AOPEP: variants seen among roughly 807,000 people sequenced by gnomAD.
AOPEP encodes the protein aminopeptidase O (putative), also known as aminopeptidase O.
In AOPEP, 77 loss-of-function variants were observed where a neutral mutation model predicts 98.1. The observed-to-expected ratio is 0.78, with a 90% CI of 0.65 to 0.95. The LOEUF (loss-of-function observed/expected upper bound fraction) is 0.95. AOPEP is among the 40% of genes least tolerant of loss of function. AOPEP has a pLI of 0.00. For missense variants in AOPEP, 1,024 were observed against 1,024.7 expected, an observed-to-expected ratio of 1.00 and a Z score of 0.01; for synonymous variants, 346 against 365.3, an observed-to-expected ratio of 0.95 and a Z score of 0.60.
chr9:95,023,058 G>A (rs767053252), intron 13 of AOPEP, among the ~76,000 whole-genome samples: 1 of 152,100 alleles, frequency 6.6e-6, no homozygotes, highest in African/African-American at 2.4e-5. Flanking sequence ...GGACCGACTC[G>A]CTTCTCTAAG....
At chr9:94,810,265 A>G (rs1354462510) in intron 5 of AOPEP, among the ~76,000 whole-genome samples, 1 of 151,728 alleles carries the variant, frequency 6.6e-6, no homozygotes, top group African/African-American at 2.4e-5. Flanking sequence ...GTGATTTAGA[A>G]TAACCCGCAG....
intron 7 of AOPEP, among the ~76,000 whole-genome samples, chr9:94,935,640 C>T (rs556048890): frequency 4.6e-5 from 7 of 152,286 alleles, no homozygotes; most frequent in South Asian, 4.1e-4. Context: ...AAGACAGGCT[C>T]AGGCAACCCC....
At chr9:95,065,736 A>G (rs1226103269) in intron 14 of AOPEP, among the ~76,000 whole-genome samples, 1 of 152,238 alleles carries the variant, frequency 6.6e-6, no homozygotes, top group Non-Finnish European at 1.5e-5. Context: ...CAAAAGGGCA[A>G]GTTGACACTT....
At chr9:94,847,728 G>A (rs550797590) in intron 5 of AOPEP, among the ~76,000 whole-genome samples, 1 of 152,202 alleles carries the variant, frequency 6.6e-6, no homozygotes, top group East Asian at 1.9e-4. Context: ...GAGGTATTTT[G>A]GAACCACAAC....
intron 7 of AOPEP, among the ~76,000 whole-genome samples, chr9:94,931,543 G>A (rs2055306613): frequency 6.6e-6 from 1 of 152,116 alleles, no homozygotes; most frequent in African/African-American, 2.4e-5. Flanking sequence ...GAAAGTAAAA[G>A]GAAGAACCAG....
intron 16 of AOPEP, chr9:95,085,197 G>T (rs776040036): frequency 1.0e-5 from 5 of 486,086 alleles, no homozygotes; most frequent in South Asian, 6.0e-5. Context: ...ACAGCACGGG[G>T]TGGCGCTGCT....
intron 13 of AOPEP, among the ~76,000 whole-genome samples, chr9:95,051,500 CAGTTG>C (rs2066362268): frequency 6.6e-6 from 1 of 151,898 alleles, no homozygotes. Flanking sequence ...CTAAGACATA[CAGTTG>C]AGTTTTTGCA....
Position 94,841,266 on chromosome 9 carries a change from C to T in AOPEP, c.1364+40264C>T, listed in dbSNP as rs567009057. 4.0e-5 allele frequency among the ~76,000 whole-genome samples: 6 copies of T among 151,524 alleles called. No homozygotes were observed. In the East Asian group the frequency reaches 5.9e-4, roughly 15 times the overall value. On this transcript the variant is annotated intron_variant, in intron 5 of 16. Coordinates refer to ENST00000375315, the MANE Select transcript of AOPEP (RefSeq NM_001193329.3). ...AGCTTACTGCAGGCTCCCCCTCCTG[C>T]GTTCAAGTAACTCTCCTGCCTCAGC... is the stretch of plus-strand genomic sequence containing the variant.
At chr9:95,101,474 G>A in the AOPEP span, 38 of 584,430 alleles carry the variant, frequency 6.5e-5, no homozygotes, top group Non-Finnish European at 1.1e-4. Flanking sequence ...CAGGAGTACC[G>A]AAGGCTCACT....
chr9:95,010,508 CTT>C (rs2062418407), intron 13 of AOPEP, among the ~76,000 whole-genome samples: 1 of 152,234 alleles, frequency 6.6e-6, no homozygotes, highest in African/African-American at 2.4e-5. Context: ...GGCAGCCACT[CTT>C]ATGCCACTGA....
chr9:95,142,525 G>A, the AOPEP span: 1 of 152,212 alleles, frequency 6.6e-6, no homozygotes, highest in African/African-American at 2.4e-5. Flanking sequence ...CACATTTAGG[G>A]TGGAGTGGCT....
intron 9 of AOPEP, 126 bp from the exon 10 acceptor site, chr9:94,967,632 C>A: frequency 1.4e-6 from 1 of 704,730 alleles, no homozygotes; most frequent in Admixed American, 2.4e-5. Flanking sequence ...TCTTTTAAGT[C>A]AGCATAGGTC....
chr9:95,085,215 G>A, intron 16 of AOPEP: 2 of 495,158 alleles, frequency 4.0e-6, no homozygotes, highest in Non-Finnish European at 8.4e-6. Flanking sequence ...GCTCTCAGGT[G>A]CTCTGGCTGC....
intron 5 of AOPEP, among the ~76,000 whole-genome samples, chr9:94,870,295 CATTA>C (rs1029665898): frequency 5.3e-5 from 8 of 151,972 alleles, no homozygotes; most frequent in Non-Finnish European, 1.0e-4. Context: ...CAGCTGAAGA[CATTA>C]ATTATTTTAA....
intron 13 of AOPEP, among the ~76,000 whole-genome samples, chr9:95,054,976 A>G (rs2066698252): frequency 6.6e-6 from 1 of 152,216 alleles, no homozygotes; most frequent in African/African-American, 2.4e-5. Context: ...AACAGTAGAG[A>G]CTTCTACTTG....
chr9:95,062,351 C>T (rs1235481420), intron 14 of AOPEP, among the ~76,000 whole-genome samples: 1 of 152,174 alleles, frequency 6.6e-6, no homozygotes, highest in African/African-American at 2.4e-5. Flanking sequence ...AAAGGCTTCC[C>T]TTGCTCTACA....
chr9:94,834,807 TGC>T (rs763541507), intron 5 of AOPEP, among the ~76,000 whole-genome samples: 9,024 of 142,886 alleles, frequency 0.063, 343 homozygotes, highest in South Asian at 0.11. Context: ...CATGCATGCA[TGC>T]ATGCATACAT....
At chr9:95,060,063 A>G (rs532299393) in intron 13 of AOPEP, among the ~76,000 whole-genome samples, 5 of 152,306 alleles carry the variant, frequency 3.3e-5, no homozygotes, top group African/African-American at 1.2e-4. Context: ...ACTTTTGACC[A>G]TTCCTGTATG....
At chr9:94,949,437 GA>G (rs2057939353) in intron 7 of AOPEP, among the ~76,000 whole-genome samples, 1 of 152,180 alleles carries the variant, frequency 6.6e-6, no homozygotes, top group African/African-American at 2.4e-5. Context: ...TCACTCTCAG[GA>G]GGACAGAATA....
Sources: gnomAD v4.1 joint callset for allele counts (sites outside exome capture counted in the v4.1 genomes callset) on GRCh38, gnomAD v4.1.1 for gene constraint, MANE v1.5 for transcripts, NCBI Gene and HGNC (gene_info 2026-07-23, HGNC 2026-07-21) for gene names.